Variants in ZNF17 observed in about 807,000 individuals in gnomAD.
ZNF17 encodes zinc finger protein 17.
ZNF17 carries 4 observed loss-of-function variants against 7.7 expected under a neutral mutation model. That is an observed-to-expected ratio of 0.52 (90% CI 0.26 to 1.20). ZNF17 has a LOEUF of 1.20. Among genes scored for constraint, ZNF17 ranks in the 50% most tolerant of loss-of-function variants. ZNF17 has a pLI of 0.14. For synonymous variants in ZNF17, 249 were observed against 258.8 expected, an observed-to-expected ratio of 0.96 and a Z score of 0.36; for missense variants, 738 against 799.5, an observed-to-expected ratio of 0.92 and a Z score of 0.93.
In ZNF17 at chr19:57,420,188, C is replaced by T. The variant is rs374905485; in HGVS notation, c.702C>T (p.Asp234=). 1.7e-4 allele frequency: 275 copies of T among 1,613,108 alleles called. 1 individual carries two copies. In the Middle Eastern group the frequency reaches 2.5e-3, roughly 15 times the overall value. ...GCAAATTGTTTAGGTACAACTCCGA[C>T]CTTATTAAACATCAGCGAAATCATA... ...ECGKLFRYNS[D]LIKHQRNHTG... is the part of the protein sequence containing the mutation. The change falls in exon 4 of 4, where the codon GAC becomes GAT. Residue 234 remains aspartate, a synonymous_variant. Transcript: ENST00000307658.
At chr19:57,413,416 T>G in intron 1 of ZNF17, 180 bp from the exon 2 acceptor site, 1 of 601,172 alleles carries the variant, frequency 1.7e-6, no homozygotes, top group Non-Finnish European at 3.0e-6. Context: ...ATCTCTATTT[T>G]ACACATAAGG....
intron 2 of ZNF17, among the ~76,000 whole-genome samples, chr19:57,417,574 C>T (rs745560682): frequency 2.0e-5 from 3 of 152,054 alleles, no homozygotes; most frequent in Admixed American, 6.6e-5. Context: ...ATGGGCCGGG[C>T]GTGGTGGCTC....
At chr19:57,411,681 C>A in intron 1 of ZNF17, 2 of 1,327,830 alleles carry the variant, frequency 1.5e-6, no homozygotes, top group South Asian at 2.2e-5. Context: ...GGGAGGGCAG[C>A]GGAGCTGCTG....
intron 2 of ZNF17, 108 bp downstream of exon 2, chr19:57,413,744 G>T: frequency 4.3e-6 from 6 of 1,389,262 alleles, no homozygotes; most frequent in Non-Finnish European, 5.9e-6. Context: ...TCTCTCCCTT[G>T]GGTCCAAGGA....
At chr19:57,416,237 G>C (rs1305574432) in intron 2 of ZNF17, among the ~76,000 whole-genome samples, 1 of 152,282 alleles carries the variant, frequency 6.6e-6, no homozygotes, top group African/African-American at 2.4e-5. Context: ...AGGATTTCAT[G>C]TGCAGAGTGG....
chr19:57,421,865 G>A lies in ZNF17; in HGVS notation c.*384G>A. On this transcript the variant is annotated 3_prime_UTR_variant, in exon 4 of 4. Transcript: ENST00000307658. Reference sequence around the variant, plus strand: ...TAACGTTATATTTTTAAGGTTTCATGTTCTAATCCATTAGAATTTCCATCC... The same window carrying A: ...TAACGTTATATTTTTAAGGTTTCATATTCTAATCCATTAGAATTTCCATCC... The A allele has an allele frequency of 6.2e-6, 1 of 162,164 alleles. No homozygotes were observed. Among genetic ancestry groups the A allele is most frequent in the South Asian group, 2.0e-4 (1 of 5,104 alleles). 10.0% of individuals were successfully genotyped at this position (162,164 alleles called of 1,614,324 possible).
In ZNF17 at chr19:57,421,358, C is replaced by T. The variant is rs1333956960; in HGVS notation, c.1872C>T (p.Asn624=). The T allele has an allele frequency of 2.5e-6, 4 of 1,614,030 alleles. No individual in the cohort carries two copies. Among genetic ancestry groups the T allele is most frequent in the African/African-American group, 2.7e-5 (2 of 74,916 alleles). The change falls in exon 4 of 4, where the codon AAC becomes AAT. Residue 624 remains asparagine, a synonymous_variant. Transcript: ENST00000307658. ...CSECGKVFRY[N]SSLIKHRRIH... ...AATGTGGGAAAGTCTTTAGATACAA[C>T]TCCAGCCTCATTAAACATCGGAGAA...
intron 2 of ZNF17, among the ~76,000 whole-genome samples, chr19:57,417,073 A>G (rs1420203415): frequency 1.1e-4 from 16 of 152,242 alleles, no homozygotes; most frequent in African/African-American, 3.1e-4. Context: ...GTGAGTGATT[A>G]CAGAAAAGCC....
chr19:57,421,097 T>C lies in ZNF17; in HGVS notation c.1611T>C (p.Phe537=), dbSNP rs1456321167. The C allele has an allele frequency of 6.8e-6, 11 of 1,613,986 alleles. No homozygotes were observed. Among genetic ancestry groups the C allele is most frequent in the Admixed American group, 1.7e-5 (1 of 60,004 alleles). Residue 537 remains phenylalanine, a synonymous_variant, in exon 4 of 4, where the codon TTT becomes TTC. Transcript: ENST00000307658. The part of the protein sequence containing the change: ...PYECSECGKF[F]RHNSNHIRHR... The stretch of plus-strand genomic sequence containing the variant: ...AGTGTAGTGAATGTGGGAAATTCTT[T>C]AGGCACAACTCAAATCATATTAGAC...
chr19:57,416,081 G>A (rs1411545365), intron 2 of ZNF17, among the ~76,000 whole-genome samples: 2 of 152,136 alleles, frequency 1.3e-5, no homozygotes, highest in African/African-American at 4.8e-5. Context: ...CAAAGGAGGT[G>A]TGCAAGAATA....
Position 57,417,909 on chromosome 19 carries a change from C to T in ZNF17, c.22-3C>T, listed in dbSNP as rs187048451. ...ACAGACTAAACTGTTATAATTTTGG[C>T]AGGATTATATGGTTTTTGAGGACGT... On this transcript the variant is annotated splice_polypyrimidine_tract_variant and splice_region_variant and intron_variant, in intron 2 of 3. Transcript: ENST00000307658. The T allele has an allele frequency of 1.1e-5, 17 of 1,612,262 alleles. No homozygotes were observed. Among genetic ancestry groups the T allele is most frequent in the African/African-American group, 1.3e-5 (1 of 74,538 alleles).
At position 57,420,271 on chromosome 19, in the gene ZNF17, A is replaced by G. The variant is rs368803954; in HGVS notation, c.785A>G (p.Asn262Ser). ...GGAAAAGCCTTCAGCCTCAAATACA[A>G]TGTTGTTCAACACCAGAAAATTCAC... ...ECGKAFSLKY[N>S]VVQHQKIHTG... Residue 262 changes from asparagine to serine, a missense_variant, in exon 4 of 4, where the codon AAT (asparagine) becomes AGT (serine). This residue lies in a region of ZNF17 where 616 missense variants were observed against 663.9 expected (regional missense o/e 0.93). Coordinates refer to ENST00000307658, the MANE Select transcript of ZNF17 (RefSeq NM_001330617.2). 8.2e-5 allele frequency: 132 copies of G among 1,613,914 alleles called. No individual in the cohort carries two copies. The highest frequency in any genetic ancestry group is 1.0e-4 in the Non-Finnish European group (119 of 1,180,000).
In ZNF17 at chr19:57,413,587, T is replaced by G. The variant is rs141605630; in HGVS notation, c.-20-9T>G. 60 of 1,535,922 alleles carry G rather than the reference T, an allele frequency of 3.9e-5. No individual in the cohort carries two copies. In the East Asian group the frequency reaches 1.5e-3, roughly 38 times the overall value. On this transcript the variant is annotated splice_polypyrimidine_tract_variant and intron_variant, in intron 1 of 3. Coordinates refer to ENST00000307658, the MANE Select transcript of ZNF17 (RefSeq NM_001330617.2). ...TGTCTTAATCCTCATGGCCTGCCTC[T>G]TCCCACAGGGTTCATAGCAGTGGCA...
chr19:57,417,112 A>G (rs1043339730), intron 2 of ZNF17, among the ~76,000 whole-genome samples: 6 of 151,948 alleles, frequency 3.9e-5, no homozygotes, highest in African/African-American at 1.2e-4. Context: ...TTTTTTTTCA[A>G]TTGGTGAGAA....
rs1171019691 is a variant in ZNF17, at chr19:57,419,628, G to A, written c.149-7G>A. ...CATCATGCACTTCATGAGCATTTCTGTTTTAGGTTGTTGGCATGGAGCCAA... is the reference window on the plus strand; with the variant it reads ...CATCATGCACTTCATGAGCATTTCTATTTTAGGTTGTTGGCATGGAGCCAA... On this transcript the variant is annotated splice_region_variant and splice_polypyrimidine_tract_variant and intron_variant, in intron 3 of 3. Coordinates refer to ENST00000307658, the MANE Select transcript of ZNF17 (RefSeq NM_001330617.2). 6.2e-7 allele frequency: 1 copy of A among 1,605,846 alleles called. No homozygotes were observed. The highest frequency in any genetic ancestry group is 1.7e-5 in the Admixed American group (1 of 59,620).
Position 57,420,312 on chromosome 19 carries a change from T to TA in ZNF17, c.827dup (p.Tyr276Ter). The change falls in exon 4 of 4, where the codon TAT becomes TAAT. Residue 276 changes from tyrosine (Y) to a stop codon, truncating the protein, a stop_gained and frameshift_variant. Coordinates refer to ENST00000307658, the MANE Select transcript of ZNF17 (RefSeq NM_001330617.2). LOFTEE classifies it low-confidence loss of function (END_TRUNC). ...HQKIHTGERP[Y>*]ECSECGKAFL... The stretch of plus-strand genomic sequence containing the variant: ...GAAAATTCACACTGGAGAAAGGCCT[T>TA]ATGAGTGCAGTGAATGTGGGAAAGC... 6.2e-7 allele frequency: 1 copy of TA among 1,614,190 alleles called. No homozygotes were observed. Among genetic ancestry groups the TA allele is most frequent in the Non-Finnish European group, 8.5e-7 (1 of 1,180,018 alleles).
At position 57,421,537 on chromosome 19, in the gene ZNF17, T is replaced by A; in HGVS notation, c.*56T>A. The A allele has an allele frequency of 2.0e-6, 3 of 1,522,246 alleles. No individual in the cohort carries two copies. Among genetic ancestry groups the A allele is most frequent in the Non-Finnish European group, 2.6e-6 (3 of 1,135,372 alleles). The allele number at this position is 1,522,246 out of a possible 1,614,324, so 94.3% of individuals were successfully genotyped here. A position where few individuals can be genotyped will look rare whatever the true frequency, so the allele number is the denominator to read the frequency against. The stretch of plus-strand genomic sequence containing the variant: ...ACTTCACACAGAAATCTACTCTGAT[T>A]TAGCACTGGGACCTACGTTTTAAAA... On this transcript the variant is annotated 3_prime_UTR_variant, in exon 4 of 4. Transcript: ENST00000307658.
chr19:57,419,410 G>A, intron 3 of ZNF17: 2 of 506,444 alleles, frequency 3.9e-6, no homozygotes, highest in South Asian at 4.6e-5. Flanking sequence ...TCTGTGCTCT[G>A]CACTGTACCA....
chr19:57,417,897 T>C lies in ZNF17; in HGVS notation c.22-15T>C. Reference sequence around the variant, plus strand: ...AAAAAGTTGCTCACAGACTAAACTGTTATAATTTTGGCAGGATTATATGGT... The same window carrying C: ...AAAAAGTTGCTCACAGACTAAACTGCTATAATTTTGGCAGGATTATATGGT... On this transcript the variant is annotated splice_polypyrimidine_tract_variant and intron_variant, in intron 2 of 3. Coordinates refer to ENST00000307658, the MANE Select transcript of ZNF17 (RefSeq NM_001330617.2). The C allele has an allele frequency of 6.2e-7, 1 of 1,613,498 alleles. No homozygotes were observed. The highest frequency in any genetic ancestry group is 8.5e-7 in the Non-Finnish European group (1 of 1,179,832).
Sources: allele counts gnomAD v4.1 joint callset (sites outside exome capture counted in the v4.1 genomes callset), GRCh38; gene constraint gnomAD v4.1.1; regional missense constraint gnomAD v4.1.1; transcripts MANE v1.5; gene names NCBI Gene and HGNC (gene_info 2026-07-23, HGNC 2026-07-21).